Variants in DLG2 observed in about 807,000 individuals in gnomAD.
DLG2 encodes discs large MAGUK scaffold protein 2.
DLG2 carries 45 observed loss-of-function variants against 132.5 expected under a neutral mutation model. That is an observed-to-expected ratio of 0.34 (90% CI 0.27 to 0.44). The LOEUF is 0.44. Ranked by LOEUF, DLG2 falls within the 20% of genes least tolerant of loss-of-function variation. The pLI, the probability that DLG2 is intolerant of heterozygous loss-of-function variation, is 1.00. For missense variants in DLG2, 1,045 were observed against 1,196.9 expected, an observed-to-expected ratio of 0.87 and a Z score of 1.87; for synonymous variants, 424 against 419.6, an observed-to-expected ratio of 1.01 and a Z score of -0.13.
chr11:84,163,723 A>G (rs1228089272), intron 8 of DLG2, among the ~76,000 whole-genome samples: 1 of 152,200 alleles, frequency 6.6e-6, no homozygotes, highest in Non-Finnish European at 1.5e-5. Flanking sequence ...AAATACTCAA[A>G]GATTATTGCT....
intron 3 of DLG2, among the ~76,000 whole-genome samples, chr11:85,518,916 C>G (rs1033976275): frequency 1.3e-5 from 2 of 152,152 alleles, no homozygotes; most frequent in African/African-American, 4.8e-5. Context: ...GGGTAGAAGC[C>G]CCAAGCCTTG....
chr11:85,588,117 C>G (rs1178326140), intron 3 of DLG2, among the ~76,000 whole-genome samples: 1 of 152,172 alleles, frequency 6.6e-6, no homozygotes, highest in African/African-American at 2.4e-5. Context: ...TTTCGCCTCA[C>G]AGCTCTTGAG....
chr11:85,005,843 G>T (rs1378516853), intron 6 of DLG2, among the ~76,000 whole-genome samples: 1 of 152,110 alleles, frequency 6.6e-6, no homozygotes, highest in Non-Finnish European at 1.5e-5. Flanking sequence ...TGCCCATTCA[G>T]TATGATATTG....
chr11:85,043,565 C>T (rs2062050629), intron 6 of DLG2, among the ~76,000 whole-genome samples: 2 of 151,716 alleles, frequency 1.3e-5, no homozygotes, highest in Non-Finnish European at 2.9e-5. Flanking sequence ...TGTATGCATG[C>T]AAAATGCATT....
intron 7 of DLG2, among the ~76,000 whole-genome samples, chr11:84,524,294 C>T (rs1417568876): frequency 6.6e-6 from 1 of 152,152 alleles, no homozygotes; most frequent in Admixed American, 6.5e-5. Context: ...CAGTCCTATG[C>T]CTAACATTCC....
intron 7 of DLG2, among the ~76,000 whole-genome samples, chr11:84,522,022 G>A (rs993038305): frequency 6.6e-6 from 1 of 152,012 alleles, no homozygotes; most frequent in African/African-American, 2.4e-5. Flanking sequence ...ACAAAAATGA[G>A]TTGGGCGTGG....
At chr11:83,953,404 C>A (rs1041290256) in intron 14 of DLG2, among the ~76,000 whole-genome samples, 19 of 152,152 alleles carry the variant, frequency 1.2e-4, no homozygotes, top group African/African-American at 4.3e-4. Flanking sequence ...CTGTGAACTG[C>A]ACATGCGAAG....
intron 16 of DLG2, among the ~76,000 whole-genome samples, chr11:83,863,204 TACTC>T (rs1729054067): frequency 6.6e-6 from 1 of 152,190 alleles, no homozygotes; most frequent in South Asian, 2.1e-4. Context: ...GCTCTAGACT[TACTC>T]TTTTGTGTGT....
chr11:85,583,124 GTGTGTGTATATATATATATATA>G (rs1468053961), intron 3 of DLG2, among the ~76,000 whole-genome samples: 3 of 41,064 alleles, frequency 7.3e-5, no homozygotes, highest in African/African-American at 2.2e-4. Flanking sequence ...GTGTGTGTGT[GTGTGTGTATATATATATATATA>G]TATATATATA....
chr11:85,169,873 T>C (rs879791528), intron 4 of DLG2, among the ~76,000 whole-genome samples: 1 of 152,180 alleles, frequency 6.6e-6, no homozygotes, highest in African/African-American at 2.4e-5. Context: ...TAATTTCCTT[T>C]AATTCAAGTG....
At position 83,455,302 on chromosome 11, in the gene DLG2, C is replaced by T. The variant is rs139007787; in HGVS notation, c.*4516G>A. On this transcript the variant is annotated 3_prime_UTR_variant, in exon 28 of 28. Transcript: ENST00000376104. ...CCAGCCTAGGCAAGGAGTATTCCCA[C>T]CTCCCTCCCATCCTGTGCTACAGCT... The T allele has an allele frequency of 1.6e-4, 25 of 152,776 alleles. 2 individuals are homozygous for T. Among genetic ancestry groups the T allele is most frequent in the African/African-American group, 5.1e-4 (21 of 41,570 alleles). The allele number at this position is 152,776 out of a possible 1,614,324, so 9.5% of individuals were successfully genotyped here. A position where few individuals can be genotyped will look rare whatever the true frequency, so the allele number is the denominator to read the frequency against.
chr11:83,750,042 A>T (rs1208832976), intron 18 of DLG2, among the ~76,000 whole-genome samples: 1 of 151,974 alleles, frequency 6.6e-6, no homozygotes, highest in Non-Finnish European at 1.5e-5. Context: ...AGGGAGGGGG[A>T]ACTCTGATTA....
At chr11:84,326,629 T>C (rs2098434499) in intron 7 of DLG2, among the ~76,000 whole-genome samples, 1 of 152,228 alleles carries the variant, frequency 6.6e-6, no homozygotes, top group African/African-American at 2.4e-5. Context: ...AGAGTTGTTT[T>C]GAGACCTAAT....
At chr11:85,156,314 T>G (rs527371897) in intron 4 of DLG2, among the ~76,000 whole-genome samples, 1 of 152,338 alleles carries the variant, frequency 6.6e-6, no homozygotes, top group South Asian at 2.1e-4. Flanking sequence ...TAGAGTATCT[T>G]GTAAGACAAG....
At chr11:83,504,058 T>C (rs2094576343) in intron 21 of DLG2, among the ~76,000 whole-genome samples, 1 of 152,170 alleles carries the variant, frequency 6.6e-6, no homozygotes, top group African/African-American at 2.4e-5. Flanking sequence ...TTATGTCACA[T>C]GATAAAGGAA....
chr11:84,107,932 G>A (rs1397930772), intron 9 of DLG2, among the ~76,000 whole-genome samples: 1 of 152,108 alleles, frequency 6.6e-6, no homozygotes, highest in African/African-American at 2.4e-5. Flanking sequence ...CACCATGGTG[G>A]GATGCCATCA....
chr11:85,013,687 G>T (rs2059336100), intron 6 of DLG2, among the ~76,000 whole-genome samples: 1 of 152,032 alleles, frequency 6.6e-6, no homozygotes, highest in Admixed American at 6.6e-5. Context: ...GCCCATAAGA[G>T]AAGATAAAAT....
intron 6 of DLG2, among the ~76,000 whole-genome samples, chr11:84,753,637 T>G (rs933012064): frequency 1.3e-5 from 2 of 152,204 alleles, no homozygotes; most frequent in African/African-American, 4.8e-5. Flanking sequence ...TGTATTCACA[T>G]AGGAGATCAG....
At chr11:84,427,817 C>G (rs2098971930) in intron 7 of DLG2, among the ~76,000 whole-genome samples, 1 of 152,170 alleles carries the variant, frequency 6.6e-6, no homozygotes, top group Non-Finnish European at 1.5e-5. Context: ...CCACGGACCT[C>G]AATACCTCTA....
Sources: gnomAD v4.1 joint callset for allele counts (sites outside exome capture counted in the v4.1 genomes callset) on GRCh38, gnomAD v4.1.1 for gene constraint, MANE v1.5 for transcripts, NCBI Gene and HGNC (gene_info 2026-07-23, HGNC 2026-07-21) for gene names.